PTPRM: variants seen among roughly 807,000 people sequenced by gnomAD.
PTPRM encodes protein tyrosine phosphatase receptor type M, also known as receptor-type tyrosine-protein phosphatase mu.
Under a neutral mutation model 186.7 loss-of-function variants are expected in PTPRM, and 47 were observed. That is an observed-to-expected ratio of 0.25 (90% CI 0.20 to 0.32). The LOEUF (loss-of-function observed/expected upper bound fraction) is 0.32, where lower values mean the gene tolerates loss of function less well. PTPRM is among the 10% of genes least tolerant of loss of function. The pLI is 1.00. For missense variants in PTPRM, 1,494 were observed against 1,865.0 expected (o/e 0.80, Z 3.66); for synonymous variants, 668 against 674.9 (o/e 0.99, Z 0.16).
intron 1 of PTPRM, among the ~76,000 whole-genome samples, chr18:7,725,809 G>A (rs931896047): frequency 7.9e-5 from 12 of 152,074 alleles, no homozygotes; most frequent in Admixed American, 2.0e-4. Flanking sequence ...TGCATTTACT[G>A]TCTTCAGTTC....
intron 7 of PTPRM, among the ~76,000 whole-genome samples, chr18:7,984,876 TATA>T (rs1443293247): frequency 2.3e-5 from 3 of 131,486 alleles, no homozygotes; most frequent in East Asian, 2.2e-4. Flanking sequence ...AATATATACA[TATA>T]ATTATATATA....
chr18:7,797,957 T>G (rs2043753301), intron 2 of PTPRM, among the ~76,000 whole-genome samples: 1 of 152,200 alleles, frequency 6.6e-6, no homozygotes, highest in East Asian at 1.9e-4. Context: ...ACTTCGGATG[T>G]CCCTGTGCTA....
chr18:7,825,670 G>GC (rs1401332250), intron 2 of PTPRM, among the ~76,000 whole-genome samples: 1 of 152,064 alleles, frequency 6.6e-6, no homozygotes, highest in Non-Finnish European at 1.5e-5. Flanking sequence ...TGACATACAA[G>GC]CCCCGAGGCT....
chr18:8,038,719 C>CGT (rs1410913462), intron 7 of PTPRM, among the ~76,000 whole-genome samples: 2 of 152,070 alleles, frequency 1.3e-5, no homozygotes, highest in African/African-American at 4.8e-5. Flanking sequence ...AGCACATAGC[C>CGT]GTATTTCCAA....
chr18:7,938,025 A>G (rs2051935198), intron 5 of PTPRM, among the ~76,000 whole-genome samples: 1 of 152,180 alleles, frequency 6.6e-6, no homozygotes, highest in Admixed American at 6.5e-5. Flanking sequence ...CCATTTTTCC[A>G]GGGAATCCTG....
intron 14 of PTPRM, among the ~76,000 whole-genome samples, chr18:8,200,552 G>C (rs1423670888): frequency 6.6e-6 from 1 of 152,230 alleles, no homozygotes; most frequent in African/African-American, 2.4e-5. Context: ...CTGTTCTGGG[G>C]AACTGAACAC....
At chr18:7,639,377 T>A (rs2038392618) in intron 1 of PTPRM, among the ~76,000 whole-genome samples, 1 of 140,950 alleles carries the variant, frequency 7.1e-6, no homozygotes, top group Non-Finnish European at 1.5e-5. Context: ...GCCTGACTTG[T>A]ATTATTCTAT....
In PTPRM at chr18:8,336,279, C is replaced by T. The variant is rs2095438390; in HGVS notation, c.2957-7144C>T. On this transcript the variant is annotated intron_variant, in intron 22 of 32. Transcript: ENST00000580170. ...AAGTGTATGAAAGACTATTGTGAGG[C>T]TGGACACAGTGGCTCATCCCTGCAA... is the stretch of plus-strand genomic sequence containing the variant. Among the ~76,000 whole-genome samples the T allele has an allele frequency of 2.0e-5, 3 of 152,126 alleles. No homozygotes were observed. The South Asian group carries it at 6.2e-4, about 31-fold the overall frequency.
intron 13 of PTPRM, among the ~76,000 whole-genome samples, chr18:8,127,425 T>TTTG (rs1555756185): frequency 1.3e-5 from 2 of 151,390 alleles, no homozygotes; most frequent in Non-Finnish European, 2.9e-5. Flanking sequence ...ATTGTTTTTT[T>TTTG]TTTTTTTTTT....
intron 23 of PTPRM, among the ~76,000 whole-genome samples, chr18:8,354,133 A>G (rs1011434761): frequency 3.9e-5 from 6 of 151,960 alleles, no homozygotes; most frequent in Non-Finnish European, 7.4e-5. Flanking sequence ...GAATCGCTTG[A>G]ACCCAGGAGG....
At chr18:7,849,663 A>G (rs566610040) in intron 2 of PTPRM, among the ~76,000 whole-genome samples, 2 of 152,354 alleles carry the variant, frequency 1.3e-5, no homozygotes, top group East Asian at 3.9e-4. Flanking sequence ...TTTTGGAAAT[A>G]CTTTAAAATA....
intron 2 of PTPRM, among the ~76,000 whole-genome samples, chr18:7,787,128 A>G (rs578129745): frequency 2.7e-4 from 41 of 152,342 alleles, no homozygotes; most frequent in Admixed American, 1.3e-3. Flanking sequence ...TTTGGGAAGC[A>G]TTCACCATAA....
At position 8,085,805 on chromosome 18, in the gene PTPRM, C is replaced by T. The variant is rs776443925; in HGVS notation, c.1686C>T (p.Thr562=). The stretch of plus-strand genomic sequence containing the variant: ...ATCCGGGGACCACATACTCCTTTAC[C>T]ATCCGAGCTAGCACAGCTAAGGGTT... ...GLYPGTTYSF[T]IRASTAKGFG... is the part of the protein sequence containing the mutation. Residue 562 remains threonine (T), a synonymous_variant, in exon 10 of 33, where the codon ACC becomes ACT. Transcript: ENST00000580170. The T allele has an allele frequency of 3.0e-5, 49 of 1,613,372 alleles. 1 individual carries two copies. The highest frequency in any genetic ancestry group is 4.2e-5 in the Non-Finnish European group (49 of 1,179,646).
At chr18:7,700,243 T>C (rs2144702080) in intron 1 of PTPRM, among the ~76,000 whole-genome samples, 1 of 152,310 alleles carries the variant, frequency 6.6e-6, no homozygotes, top group South Asian at 2.1e-4. Context: ...AGAAAGAAGT[T>C]AAGACTCTCA....
chr18:7,711,215 G>A (rs1445933868), intron 1 of PTPRM, among the ~76,000 whole-genome samples: 3 of 152,132 alleles, frequency 2.0e-5, no homozygotes, highest in South Asian at 2.1e-4. Flanking sequence ...TGCCTCACCC[G>A]GGAAGCTCAA....
intron 20 of PTPRM, among the ~76,000 whole-genome samples, chr18:8,300,238 G>T: frequency 6.6e-6 from 1 of 152,124 alleles, no homozygotes; most frequent in East Asian, 1.9e-4. Flanking sequence ...ATCAGGAAAA[G>T]ACCTCTCAGG....
At chr18:7,913,390 G>A (rs2050384501) in intron 4 of PTPRM, among the ~76,000 whole-genome samples, 1 of 152,178 alleles carries the variant, frequency 6.6e-6, no homozygotes, top group East Asian at 1.9e-4. Context: ...GAAGCAAAAA[G>A]AACAGAACTG....
At chr18:8,051,777 A>G (rs888622088) in intron 7 of PTPRM, among the ~76,000 whole-genome samples, 9 of 152,250 alleles carry the variant, frequency 5.9e-5, no homozygotes, top group African/African-American at 1.9e-4. Flanking sequence ...TCTTTTGACA[A>G]TAATGCTGGT....
chr18:8,233,175 G>A lies in PTPRM; in HGVS notation c.2301-10883G>A, dbSNP rs8096197. Among the ~76,000 whole-genome samples, 1,427 of 152,268 alleles carry A rather than the reference G, an allele frequency of 9.4e-3. 19 individuals carry two copies. The highest frequency in any genetic ancestry group is 0.031 in the African/African-American group (1,294 of 41,548). ...CTGAGCTAGTCACAATCCCTTTGCCGGCACACTACACACCTTGGCCTCCCA... is the reference window on the plus strand; with the variant it reads ...CTGAGCTAGTCACAATCCCTTTGCCAGCACACTACACACCTTGGCCTCCCA... On this transcript the variant is annotated intron_variant, in intron 14 of 32. Coordinates refer to ENST00000580170, the MANE Select transcript of PTPRM (RefSeq NM_001105244.2).
Sources: gnomAD v4.1 joint callset for allele counts (sites outside exome capture counted in the v4.1 genomes callset) on GRCh38, gnomAD v4.1.1 for gene constraint, MANE v1.5 for transcripts, NCBI Gene and HGNC (gene_info 2026-07-23, HGNC 2026-07-21) for gene names.